The following TASP1 variants were observed in gnomAD, a reference collection of about 807,000 sequenced individuals.
The protein encoded by TASP1 is threonine aspartase 1.
Under a neutral mutation model 56.6 loss-of-function variants are expected in TASP1, and 16 were observed. The observed-to-expected ratio is 0.28, with a 90% CI of 0.19 to 0.43. The LOEUF is 0.43. Among genes scored for constraint, TASP1 ranks in the 20% least tolerant of loss-of-function variants. TASP1 has a pLI of 1.00. For missense variants in TASP1, 393 were observed against 511.6 expected (o/e 0.77, Z 2.24); for synonymous variants, 179 against 184.2 (o/e 0.97, Z 0.23).
chr20:13,158,633 G>A, the TASP1 span, among the ~76,000 whole-genome samples: 2 of 152,134 alleles, frequency 1.3e-5, no homozygotes, highest in Admixed American at 6.5e-5. Context: ...AGAAAGAACA[G>A]CCTCTGTTTT....
At chr20:13,622,165 G>A (rs1050189066) in intron 4 of TASP1, among the ~76,000 whole-genome samples, 2 of 152,026 alleles carry the variant, frequency 1.3e-5, no homozygotes, top group Non-Finnish European at 2.9e-5. Context: ...TGCTTACTAC[G>A]TACCACACAC....
intron 2 of TASP1, among the ~76,000 whole-genome samples, chr20:13,625,729 T>C (rs1365251863): frequency 1.3e-5 from 2 of 152,208 alleles, no homozygotes; most frequent in Non-Finnish European, 2.9e-5. Flanking sequence ...TGAGGTGTCT[T>C]ACATCTCGCA....
chr20:13,162,945 G>A, the TASP1 span, among the ~76,000 whole-genome samples: 9 of 152,218 alleles, frequency 5.9e-5, no homozygotes, highest in South Asian at 2.1e-4. Context: ...CTCTGAGCAC[G>A]AGTGTGTTCT....
rs1160257144 is a variant in TASP1 at position 13,539,708 on chromosome 20, T to C, written c.676-5567A>G. 2.0e-5 allele frequency among the ~76,000 whole-genome samples: 3 copies of C among 152,188 alleles called. No homozygotes were observed. In the East Asian group the frequency reaches 5.8e-4, roughly 29 times the overall value. On this transcript the variant is annotated intron_variant, in intron 8 of 13. Transcript: ENST00000337743. ...CATATCTGGGTTAGAGGAATTAAATTCATACCATAAAAAAGATTACTTAAA... is the reference window on the plus strand; with the variant it reads ...CATATCTGGGTTAGAGGAATTAAATCCATACCATAAAAAAGATTACTTAAA...
the TASP1 span, among the ~76,000 whole-genome samples, chr20:13,280,536 A>C: frequency 6.6e-6 from 1 of 152,152 alleles, no homozygotes; most frequent in African/African-American, 2.4e-5. Flanking sequence ...TGGGTAGGAG[A>C]ACTCAGCTCC....
At chr20:13,241,362 G>C in the TASP1 span, among the ~76,000 whole-genome samples, 1 of 152,342 alleles carries the variant, frequency 6.6e-6, no homozygotes, top group East Asian at 1.9e-4. Context: ...TGTAAGATCA[G>C]AGATACCAGG....
chr20:13,391,307 T>G (rs1466091765), intron 13 of TASP1, among the ~76,000 whole-genome samples: 1 of 152,154 alleles, frequency 6.6e-6, no homozygotes, highest in Non-Finnish European at 1.5e-5. Flanking sequence ...GGCTGGAGGC[T>G]CCGGTAGAAG....
the TASP1 span, among the ~76,000 whole-genome samples, chr20:13,199,073 A>ATT: frequency 5.3e-3 from 772 of 146,658 alleles, 4 homozygotes; most frequent in African/African-American, 0.018. Flanking sequence ...ACCTGGCTAA[A>ATT]TTTTTTTTTT....
intron 11 of TASP1, among the ~76,000 whole-genome samples, chr20:13,437,646 A>G (rs1391349874): frequency 5.9e-5 from 9 of 152,180 alleles, no homozygotes; most frequent in African/African-American, 1.4e-4. Context: ...AAGCTGATAG[A>G]CAATTTCAGC....
chr20:13,395,250 G>A (rs886772429), intron 13 of TASP1, among the ~76,000 whole-genome samples: 36 of 152,150 alleles, frequency 2.4e-4, no homozygotes, highest in African/African-American at 8.2e-4. Flanking sequence ...AGCACAAGGA[G>A]GAACATGAAA....
At chr20:13,311,152 C>T in the TASP1 span, among the ~76,000 whole-genome samples, 1 of 151,948 alleles carries the variant, frequency 6.6e-6, no homozygotes. Context: ...TGAGATCATG[C>T]CATTGCACTC....
chr20:13,164,338 C>T, the TASP1 span: 1 of 471,884 alleles, frequency 2.1e-6, no homozygotes, highest in Non-Finnish European at 4.4e-6. Flanking sequence ...CCGCAACATT[C>T]CTCTTTGTTC....
chr20:13,115,846 A>C, the TASP1 span, among the ~76,000 whole-genome samples: 3 of 152,168 alleles, frequency 2.0e-5, no homozygotes, highest in African/African-American at 7.2e-5. Flanking sequence ...AGAGGGGCCC[A>C]TCATCCTGTT....
the TASP1 span, among the ~76,000 whole-genome samples, chr20:13,260,409 G>A: frequency 3.3e-4 from 50 of 152,316 alleles, no homozygotes; most frequent in South Asian, 1.2e-3. Flanking sequence ...GAAGAAAGTC[G>A]TTGGCAGGGC....
intron 10 of TASP1, among the ~76,000 whole-genome samples, chr20:13,484,953 G>A (rs2043271574): frequency 6.6e-6 from 1 of 151,944 alleles, no homozygotes; most frequent in Admixed American, 6.6e-5. Flanking sequence ...ACACAGGGAG[G>A]GGAACATCAC....
the TASP1 span, among the ~76,000 whole-genome samples, chr20:13,270,308 A>G: frequency 1.8e-4 from 27 of 152,350 alleles, no homozygotes; most frequent in East Asian, 5.2e-3. Flanking sequence ...GTAGCAGGCT[A>G]GAAGTTTTCT....
At chr20:13,185,358 T>C in the TASP1 span, among the ~76,000 whole-genome samples, 4 of 152,006 alleles carry the variant, frequency 2.6e-5, no homozygotes, top group African/African-American at 9.7e-5. Context: ...CACTGCCATC[T>C]TTCTGAAATG....
intron 11 of TASP1, among the ~76,000 whole-genome samples, chr20:13,454,911 A>G (rs2043770810): frequency 6.6e-6 from 1 of 152,128 alleles, no homozygotes; most frequent in African/African-American, 2.4e-5. Context: ...TTTACTAAAT[A>G]AAGCCCTGAA....
At chr20:13,385,465 A>G (rs1256993896), downstream of TASP1, among the ~76,000 whole-genome samples, 1 of 152,208 alleles carries the variant, frequency 6.6e-6, no homozygotes, top group Non-Finnish European at 1.5e-5. Context: ...ACGGATGAAA[A>G]TGGCTGAGCA....
Sources: allele counts gnomAD v4.1 joint callset (sites outside exome capture counted in the v4.1 genomes callset), GRCh38; gene constraint gnomAD v4.1.1; transcripts MANE v1.5; gene names NCBI Gene and HGNC (gene_info 2026-07-23, HGNC 2026-07-21).